LECT2: variants seen among roughly 807,000 people sequenced by gnomAD.
LECT2 encodes leukocyte cell derived chemotaxin 2.
Under a neutral mutation model 16.6 loss-of-function variants are expected in LECT2, and 11 were observed. The ratio of observed to expected loss-of-function variants is 0.66; its 90% CI spans 0.42 to 1.09. The LOEUF (loss-of-function observed/expected upper bound fraction) is 1.09, where lower values mean the gene tolerates loss of function less well. LECT2 is among the 50% of genes least tolerant of loss of function. The probability of loss-of-function intolerance (pLI) is 0.00; values close to 1 mark genes in which losing one functional copy is unlikely to be tolerated. For missense variants in LECT2, 173 were observed against 184.2 expected, an observed-to-expected ratio of 0.94 and a Z score of 0.35; for synonymous variants, 54 against 64.8, an observed-to-expected ratio of 0.83 and a Z score of 0.80.
At chr5:135,948,767 C>T (rs1311505171) in intron 3 of LECT2, among the ~76,000 whole-genome samples, 1 of 151,518 alleles carries the variant, frequency 6.6e-6, no homozygotes, top group African/African-American at 2.4e-5. Flanking sequence ...CTCCGCCTCC[C>T]GGGTTCACGC....
intron 3 of LECT2, among the ~76,000 whole-genome samples, chr5:135,949,254 CAGCAGG>C (rs1429681227): frequency 6.6e-6 from 1 of 152,184 alleles, no homozygotes; most frequent in African/African-American, 2.4e-5. Flanking sequence ...GTCAAAGCCC[CAGCAGG>C]ATTTTTGGTG....
intron 3 of LECT2, among the ~76,000 whole-genome samples, chr5:135,949,728 C>T (rs995079232): frequency 6.6e-6 from 1 of 152,180 alleles, no homozygotes; most frequent in African/African-American, 2.4e-5. Flanking sequence ...GGACTGTGAA[C>T]CAATTCAAGC....
intron 3 of LECT2, 65 bp from the exon 4 acceptor site, chr5:135,947,562 A>G: frequency 1.4e-6 from 2 of 1,416,094 alleles, no homozygotes; most frequent in Middle Eastern, 2.2e-4. Flanking sequence ...AATTAAAAAA[A>G]TAACAAATGG....
intron 3 of LECT2, among the ~76,000 whole-genome samples, chr5:135,948,743 C>T (rs908047267): frequency 9.3e-4 from 140 of 151,114 alleles, no homozygotes; most frequent in Non-Finnish European, 1.6e-3. Context: ...GGCGCGATCT[C>T]GGCTCACTGC....
chr5:135,953,117 A>G (rs1162952566), intron 1 of LECT2, 150 bp from the exon 2 acceptor site: 1 of 568,646 alleles, frequency 1.8e-6, no homozygotes, highest in Non-Finnish European at 3.1e-6. Flanking sequence ...TCGTCCTTCC[A>G]GAATTTTATT....
chr5:135,951,486 A>G (rs918783661), intron 2 of LECT2, 118 bp from the exon 3 acceptor site: 2 of 966,712 alleles, frequency 2.1e-6, no homozygotes, highest in Non-Finnish European at 1.5e-6. Flanking sequence ...AAGCTGCCAG[A>G]ACATGTTGGG....
Position 135,947,426 on chromosome 5 carries a change from C to T in LECT2, c.361G>A (p.Gly121Arg). The T allele has an allele frequency of 6.2e-7, 1 of 1,614,032 alleles. No individual in the cohort carries two copies. The highest frequency in any genetic ancestry group is 1.1e-5 in the South Asian group (1 of 91,072). ...KGPIKKGEKLGTLLPLQKVYP... is the reference protein window; with the variant it reads ...KGPIKKGEKLRTLLPLQKVYP... Reference sequence around the variant, plus strand: ...ACTTTCTGCAAGGGCAATAGAGTTCCAAGTTTTTCTCCCTTCTTAATAGGA... The same window carrying T: ...ACTTTCTGCAAGGGCAATAGAGTTCTAAGTTTTTCTCCCTTCTTAATAGGA... Residue 121 changes from glycine (G) to arginine (R), a missense_variant, in exon 4 of 4, where the codon GGA (glycine) becomes AGA (arginine). Gly to Arg is a moderately radical substitution (Grantham distance 125). Coordinates refer to ENST00000274507, the MANE Select transcript of LECT2 (RefSeq NM_002302.3).
chr5:135,948,312 A>G (rs1342653117), intron 3 of LECT2, among the ~76,000 whole-genome samples: 1 of 152,254 alleles, frequency 6.6e-6, no homozygotes, highest in Non-Finnish European at 1.5e-5. Context: ...AAGAGATGCC[A>G]GGAAACATAG....
chr5:135,947,083 C>A lies in LECT2; in HGVS notation c.*248G>T, dbSNP rs1183179510. 3 of 307,924 alleles carry A rather than the reference C, an allele frequency of 9.7e-6. No individual in the cohort carries two copies. The highest frequency in any genetic ancestry group is 1.8e-5 in the Non-Finnish European group (3 of 169,046). 19.1% of individuals were successfully genotyped at this position (307,924 alleles called of 1,614,324 possible). On this transcript the variant is annotated 3_prime_UTR_variant, in exon 4 of 4. Coordinates refer to ENST00000274507, the MANE Select transcript of LECT2 (RefSeq NM_002302.3). ...TTTCTTTCTTGCATTTATCATGTTT[C>A]TATTTAAACTCAAATTTCCTTTTTT...
intron 2 of LECT2, among the ~76,000 whole-genome samples, chr5:135,952,068 C>T (rs1020264355): frequency 6.6e-6 from 1 of 152,220 alleles, no homozygotes; most frequent in African/African-American, 2.4e-5. Context: ...CAACACTGAG[C>T]AAGCTCAAGA....
rs1390997530 is a variant in LECT2, at chr5:135,953,214, T to G, written c.47-247A>C. ...GAGTATCAGTGAATACAATTTTTTTTTTTTTTGGATCGGAGTCTCACTCTG... is the reference window on the plus strand; with the variant it reads ...GAGTATCAGTGAATACAATTTTTTTGTTTTTTGGATCGGAGTCTCACTCTG... On this transcript the variant is annotated intron_variant, in intron 1 of 3. Transcript: ENST00000274507. 3 of 406,356 alleles carry G rather than the reference T, an allele frequency of 7.4e-6. No homozygotes were observed. The East Asian group carries it at 1.4e-4, about 20-fold the overall frequency. The allele number at this position is 406,356 out of a possible 1,614,324, so 25.2% of individuals were successfully genotyped here. A position where few individuals can be genotyped will look rare whatever the true frequency, so the allele number is the denominator to read the frequency against.
At chr5:135,953,987 A>C (rs147850731) in intron 1 of LECT2, among the ~76,000 whole-genome samples, 1 of 152,220 alleles carries the variant, frequency 6.6e-6, no homozygotes, top group South Asian at 2.1e-4. Context: ...TTTCTTTACT[A>C]TAGTAAGCAC....
rs184436136 is a variant in LECT2 at position 135,952,434 on chromosome 5, C to T, written c.143+437G>A. ...AACATCCAGAGCCTGAGCCAGTAAC[C>T]GCGTGGTTTGGTGGGAAGAGGAACC... On this transcript the variant is annotated intron_variant, in intron 2 of 3. Coordinates refer to ENST00000274507, the MANE Select transcript of LECT2 (RefSeq NM_002302.3). Among the ~76,000 whole-genome samples, 20 of 152,244 alleles carry T rather than the reference C, an allele frequency of 1.3e-4. No homozygotes were observed. The East Asian group carries it at 1.5e-3, about 12-fold the overall frequency.
rs745399173 is a variant in LECT2, at chr5:135,951,387, C to A, written c.144-19G>T. On this transcript the variant is annotated intron_variant, in intron 2 of 3. Coordinates refer to ENST00000274507, the MANE Select transcript of LECT2 (RefSeq NM_002302.3). ...CTGACTTCTAGGATGTAAATAAGAACGAACAGACTGAGGAACTGCCTTAGG... is the reference window on the plus strand; with the variant it reads ...CTGACTTCTAGGATGTAAATAAGAAAGAACAGACTGAGGAACTGCCTTAGG... 65 of 1,609,366 alleles carry A rather than the reference C, an allele frequency of 4.0e-5. 2 individuals are homozygous for A. Among genetic ancestry groups the A allele is most frequent in the South Asian group, 3.5e-4 (32 of 90,304 alleles).
intron 1 of LECT2, chr5:135,953,253 G>T: frequency 3.2e-6 from 1 of 307,992 alleles, no homozygotes; most frequent in Non-Finnish European, 6.1e-6. Context: ...CCAAGCTGGA[G>T]CACAGTGGCG....
At chr5:135,950,742 C>T (rs922755305) in intron 3 of LECT2, 1 of 160,698 alleles carries the variant, frequency 6.2e-6, no homozygotes, top group African/African-American at 2.4e-5. Flanking sequence ...ATGCAAGTAT[C>T]TATCCATTAT....
At chr5:135,950,942 C>A in intron 3 of LECT2, 1 of 455,370 alleles carries the variant, frequency 2.2e-6, no homozygotes. Flanking sequence ...AAATATCTAT[C>A]GGGTACTATG....
chr5:135,950,087 G>A (rs956696970), intron 3 of LECT2, among the ~76,000 whole-genome samples: 4 of 152,148 alleles, frequency 2.6e-5, no homozygotes, highest in Admixed American at 2.6e-4. Flanking sequence ...GCCTCTCACA[G>A]GCTTGGTGAG....
intron 3 of LECT2, among the ~76,000 whole-genome samples, chr5:135,949,668 A>G (rs1438203013): frequency 3.3e-5 from 5 of 152,236 alleles, no homozygotes; most frequent in Non-Finnish European, 7.3e-5. Context: ...GCTGCGTAGC[A>G]GGACCCTTAC....
Sources: allele counts gnomAD v4.1 joint callset (sites outside exome capture counted in the v4.1 genomes callset), GRCh38; gene constraint gnomAD v4.1.1; transcripts MANE v1.5; gene names NCBI Gene and HGNC (gene_info 2026-07-23, HGNC 2026-07-21).